SEC23B: variants seen among roughly 807,000 people sequenced by gnomAD.
The protein encoded by SEC23B is protein transport protein Sec23B.
In SEC23B, 77 loss-of-function variants were observed where a neutral mutation model predicts 104.3. The observed-to-expected ratio is 0.74, with a 90% CI of 0.61 to 0.89. The LOEUF is 0.89. SEC23B is among the 40% of genes least tolerant of loss of function. The pLI, the probability that SEC23B is intolerant of heterozygous loss-of-function variation, is 0.00. For missense variants in SEC23B, 885 were observed against 949.4 expected, an observed-to-expected ratio of 0.93 and a Z score of 0.89; for synonymous variants, 338 against 332.5, an observed-to-expected ratio of 1.02 and a Z score of -0.18.
At chr20:18,531,228 T>C (rs1240352151) in intron 10 of SEC23B, among the ~76,000 whole-genome samples, 1 of 152,230 alleles carries the variant, frequency 6.6e-6, no homozygotes, top group Admixed American at 6.5e-5. Flanking sequence ...GTGGGTGTTA[T>C]GAGCAGCACT....
intron 12 of SEC23B, among the ~76,000 whole-genome samples, chr20:18,537,599 G>GGT (rs2060246086): frequency 2.6e-5 from 4 of 151,892 alleles, no homozygotes; most frequent in Admixed American, 1.3e-4. Context: ...GGTGGGGGAA[G>GGT]GGGGGAGGAA....
intron 17 of SEC23B, among the ~76,000 whole-genome samples, chr20:18,552,378 G>A (rs1312010720): frequency 1.3e-5 from 2 of 152,156 alleles, no homozygotes; most frequent in African/African-American, 4.8e-5. Context: ...ACTGAGAGCC[G>A]GATGACCAGC....
intron 12 of SEC23B, among the ~76,000 whole-genome samples, chr20:18,537,944 T>G (rs1446798025): frequency 7.0e-6 from 1 of 143,768 alleles, no homozygotes; most frequent in Non-Finnish European, 1.5e-5. Context: ...TCTCTTTTTG[T>G]TTTTTTTTTA....
At chr20:18,559,602 GTTATTATC>G (rs1254499108) in intron 19 of SEC23B, among the ~76,000 whole-genome samples, 1 of 152,124 alleles carries the variant, frequency 6.6e-6, no homozygotes, top group African/African-American at 2.4e-5. Flanking sequence ...GAGTACAGTG[GTTATTATC>G]TAAGATTGTT....
rs1270762579 is a variant in SEC23B, at chr20:18,535,196, AC to A, written c.1315-448del. On this transcript the variant is annotated intron_variant, in intron 11 of 19. Transcript: ENST00000650089. ...TGTAGAGACACCCCCTGACACACCC[AC>A]CCCCCCCCACACACACGTAGTATAT... Among the ~76,000 whole-genome samples the A allele has an allele frequency of 6.7e-3, 765 of 113,468 alleles. 9 individuals carry two copies. Among genetic ancestry groups the A allele is most frequent in the African/African-American group, 0.023 (678 of 29,764 alleles). 74.4% of individuals were successfully genotyped at this position (113,468 alleles called of 152,430 possible).
At chr20:18,546,715 C>T (rs139126618) in intron 15 of SEC23B, among the ~76,000 whole-genome samples, 1 of 152,264 alleles carries the variant, frequency 6.6e-6, no homozygotes, top group South Asian at 2.1e-4. Flanking sequence ...GCCTGGGACT[C>T]TGAGGTGTCC....
At chr20:18,546,383 TAACAA>T (rs1329443326) in intron 15 of SEC23B, among the ~76,000 whole-genome samples, 1 of 151,982 alleles carries the variant, frequency 6.6e-6, no homozygotes, top group African/African-American at 2.4e-5. Flanking sequence ...GAGATGAAGA[TAACAA>T]AACAAAACCA....
chr20:18,523,755 T>C (rs1348452745), intron 4 of SEC23B, among the ~76,000 whole-genome samples: 4 of 151,642 alleles, frequency 2.6e-5, no homozygotes, highest in Non-Finnish European at 5.9e-5. Context: ...TCCAGGCTGG[T>C]ATGTAGTGGT....
chr20:18,539,894 C>T (rs1249617010), intron 12 of SEC23B, among the ~76,000 whole-genome samples: 2 of 152,026 alleles, frequency 1.3e-5, no homozygotes, highest in Non-Finnish European at 2.9e-5. Flanking sequence ...ATCCGCCTGC[C>T]TTGGCCTCCA....
chr20:18,521,525 C>G (rs1309350340), intron 4 of SEC23B, among the ~76,000 whole-genome samples: 1 of 152,150 alleles, frequency 6.6e-6, no homozygotes, highest in African/African-American at 2.4e-5. Context: ...ATGCCTTTAG[C>G]TCCAGCCACC....
chr20:18,548,828 T>A, intron 16 of SEC23B, 58 bp downstream of exon 16: 1 of 1,550,432 alleles, frequency 6.4e-7, no homozygotes. Flanking sequence ...TATATTCTTT[T>A]TTAAGCAAAT....
intron 1 of SEC23B, among the ~76,000 whole-genome samples, 199 bp from the exon 2 acceptor site, chr20:18,510,623 G>A (rs1057425756): frequency 5.3e-5 from 8 of 152,098 alleles, no homozygotes; most frequent in East Asian, 1.9e-4. Context: ...AAAATTAGCC[G>A]GGCTTGGTGG....
chr20:18,539,518 A>G (rs2060268715), intron 12 of SEC23B, among the ~76,000 whole-genome samples: 1 of 151,014 alleles, frequency 6.6e-6, no homozygotes, highest in Non-Finnish European at 1.5e-5. Context: ...TCAAAAAAAA[A>G]AAAAAAAAAA....
At chr20:18,553,422 T>C (rs2060406932) in intron 17 of SEC23B, among the ~76,000 whole-genome samples, 1 of 152,232 alleles carries the variant, frequency 6.6e-6, no homozygotes, top group African/African-American at 2.4e-5. Flanking sequence ...CTGTAGCCTC[T>C]TTCTCCATTT....
chr20:18,508,727 T>TTTTTTTTTTTTTTTTTG (rs2059955083), intron 1 of SEC23B, among the ~76,000 whole-genome samples: 1 of 142,980 alleles, frequency 7.0e-6, no homozygotes, highest in African/African-American at 2.6e-5. Flanking sequence ...TTTTTTTTTT[T>TTTTTTTTTTTTTTTTTG]TTTTTTTTTT....
chr20:18,512,254 C>T lies in SEC23B; in HGVS notation c.251C>T (p.Ala84Val), dbSNP rs1281758933. 7 of 1,591,634 alleles carry T rather than the reference C, an allele frequency of 4.4e-6. No individual in the cohort carries two copies. Among genetic ancestry groups the T allele is most frequent in the Non-Finnish European group, 6.0e-6 (7 of 1,162,814 alleles). The change falls in exon 3 of 20, where the codon GCC becomes GTC. Residue 84 changes from alanine to valine, a missense_variant. Ala to Val is a moderately conservative substitution (Grantham distance 64). Coordinates refer to ENST00000650089, the MANE Select transcript of SEC23B (RefSeq NM_006363.6). ...CQVDYRAKLW[A>V]CNFCFQRNQF... Reference sequence around the variant, plus strand: ...GTTGATTATCGAGCAAAACTTTGGGCCTGTAATTTCTGTTTTCAAAGAAAT... The same window carrying T: ...GTTGATTATCGAGCAAAACTTTGGGTCTGTAATTTCTGTTTTCAAAGAAAT...
intron 12 of SEC23B, among the ~76,000 whole-genome samples, chr20:18,540,006 A>G (rs2148913752): frequency 8.1e-6 from 1 of 122,746 alleles, no homozygotes; most frequent in African/African-American, 3.2e-5. Context: ...GACTTCCTCC[A>G]CTGAAGTCTC....
intron 17 of SEC23B, among the ~76,000 whole-genome samples, chr20:18,552,932 T>C (rs566222709): frequency 3.3e-5 from 5 of 152,356 alleles, no homozygotes; most frequent in African/African-American, 9.6e-5. Context: ...ATCGGTTATA[T>C]GAAATACTAT....
intron 12 of SEC23B, among the ~76,000 whole-genome samples, chr20:18,541,966 A>G (rs527491672): frequency 6.6e-6 from 1 of 152,238 alleles, no homozygotes; most frequent in Non-Finnish European, 1.5e-5. Context: ...TGGATAATTC[A>G]TCAGCAATAA....
Sources: gnomAD v4.1 joint callset for allele counts (sites outside exome capture counted in the v4.1 genomes callset) on GRCh38, gnomAD v4.1.1 for gene constraint, MANE v1.5 for transcripts, NCBI Gene and HGNC (gene_info 2026-07-23, HGNC 2026-07-21) for gene names.